KDM5B: variants seen among roughly 807,000 people sequenced by gnomAD.
The protein encoded by KDM5B is lysine demethylase 5B.
KDM5B carries 144 observed loss-of-function variants against 193.4 expected under a neutral mutation model. The observed-to-expected ratio is 0.74, with a 90% confidence interval of 0.65 to 0.86. The LOEUF (loss-of-function observed/expected upper bound fraction) is 0.86. Ranked by LOEUF, KDM5B falls within the 40% of genes least tolerant of loss-of-function variation. The pLI is 0.00. For synonymous variants in KDM5B, 668 were observed against 682.6 expected, an observed-to-expected ratio of 0.98 and a Z score of 0.33; for missense variants, 1,833 against 1,886.9, an observed-to-expected ratio of 0.97 and a Z score of 0.53.
rs1166236241 is a variant in KDM5B, at chr1:202,727,419, TTTAA to T, written c.*1613_*1616del. Reference sequence around the variant, plus strand: ...CAACTAGAAGTCATTCTTAAAGAGATTTAATTATTTGAAGTGCATAAAAGGGGAG... The same window carrying T: ...CAACTAGAAGTCATTCTTAAAGAGATTTATTTGAAGTGCATAAAAGGGGAG... On this transcript the variant is annotated 3_prime_UTR_variant, in exon 27 of 27. Transcript: ENST00000367265. 1.3e-5 allele frequency: 2 copies of T among 152,564 alleles called. No homozygotes were observed. The highest frequency in any genetic ancestry group is 4.8e-5 in the African/African-American group (2 of 41,410). The allele number at this position is 152,564 out of a possible 1,614,324, so 9.5% of individuals were successfully genotyped here. A position where few individuals can be genotyped will look rare whatever the true frequency, so the allele number is the denominator to read the frequency against.
At chr1:202,807,184 G>A (rs963440367) in intron 1 of KDM5B, 3 of 152,406 alleles carry the variant, frequency 2.0e-5, no homozygotes, top group Non-Finnish European at 2.9e-5. Context: ...ATCTTCGGAG[G>A]TCTCTCCGTC....
chr1:202,755,435 G>C lies in KDM5B; in HGVS notation c.1374C>G (p.Gly458=). The change falls in exon 11 of 27, where the codon GGC becomes GGG. Residue 458 remains glycine (G), a synonymous_variant. Transcript: ENST00000367265. ...SPEEEEYLDS[G]WNLNNMPVME... is the part of the protein sequence containing the mutation. The stretch of plus-strand genomic sequence containing the variant: ...TCACTGGCATGTTGTTCAAATTCCA[G>C]CCACTATCAAGATACTCCTAAAAAT... The C allele has an allele frequency of 6.2e-7, 1 of 1,613,152 alleles. No individual in the cohort carries two copies. The highest frequency in any genetic ancestry group is 1.1e-5 in the South Asian group (1 of 91,004).
At position 202,735,546 on chromosome 1, in the gene KDM5B, T is replaced by C. The variant is rs1448866166; in HGVS notation, c.3306A>G (p.Lys1102=). The C allele has an allele frequency of 7.4e-6, 12 of 1,614,116 alleles. No individual in the cohort carries two copies. The highest frequency in any genetic ancestry group is 1.0e-5 in the Non-Finnish European group (12 of 1,179,980). ...GCTCCTTTAACTTTCTCTGCTTCCT[T>C]TTCAATCCCAAAAGGCCAATATCAC... ...PRCDIGLLGL[K]RKQRKLKEPL... is the part of the protein sequence containing the mutation. The change falls in exon 22 of 27, where the codon AAA becomes AAG. Residue 1102 remains lysine (K), a synonymous_variant. Coordinates refer to ENST00000367265, the MANE Select transcript of KDM5B (RefSeq NM_006618.5).
At chr1:202,731,750 G>T in intron 24 of KDM5B, 78 bp downstream of exon 24, 1 of 1,071,972 alleles carries the variant, frequency 9.3e-7, no homozygotes, top group Non-Finnish European at 1.4e-6. Context: ...TATGGTACTT[G>T]ATCATCTATA....
At chr1:202,773,055 T>C (rs890379765) in intron 4 of KDM5B, 63 bp downstream of exon 4, 27 of 1,204,406 alleles carry the variant, frequency 2.2e-5, no homozygotes, top group African/African-American at 2.0e-4. Flanking sequence ...TTCATTTCCC[T>C]GAAAAGACAA....
intron 1 of KDM5B, among the ~76,000 whole-genome samples, chr1:202,798,947 G>C (rs768888537): frequency 3.7e-4 from 56 of 152,158 alleles, no homozygotes; most frequent in Non-Finnish European, 6.6e-4. Flanking sequence ...TTGAGCTCAT[G>C]AGGTCAAGGC....
chr1:202,750,825 ATTG>A, intron 12 of KDM5B, 47 bp from the exon 13 acceptor site: 1 of 1,582,618 alleles, frequency 6.3e-7, no homozygotes, highest in African/African-American at 1.4e-5. Context: ...AAAGAGTGAC[ATTG>A]TTACTAAAGA....
In KDM5B at chr1:202,764,148, T is replaced by G. The variant is rs1656355283; in HGVS notation, c.712-3A>C. 6.9e-7 allele frequency: 1 copy of G among 1,453,714 alleles called. No individual in the cohort carries two copies. Among genetic ancestry groups the G allele is most frequent in the East Asian group, 2.4e-5 (1 of 41,572 alleles). The allele number at this position is 1,453,714 out of a possible 1,614,324, so 90.1% of individuals were successfully genotyped here. A position where few individuals can be genotyped will look rare whatever the true frequency, so the allele number is the denominator to read the frequency against. ...GGTTCTATTTTAATATTCATGGCCTTAAAAAAATTGTCATATACATGAATA... is the reference window on the plus strand; with the variant it reads ...GGTTCTATTTTAATATTCATGGCCTGAAAAAAATTGTCATATACATGAATA... On this transcript the variant is annotated splice_polypyrimidine_tract_variant and splice_region_variant and intron_variant, in intron 5 of 26. Coordinates refer to ENST00000367265, the MANE Select transcript of KDM5B (RefSeq NM_006618.5).
At chr1:202,786,421 G>A (rs533665186) in intron 1 of KDM5B, among the ~76,000 whole-genome samples, 1 of 152,242 alleles carries the variant, frequency 6.6e-6, no homozygotes, top group East Asian at 1.9e-4. Context: ...CACACTGAGA[G>A]TAGATCTGCT....
chr1:202,727,634 A>G lies in KDM5B; in HGVS notation c.*1402T>C, dbSNP rs1467246285. The G allele has an allele frequency of 1.3e-5, 2 of 152,540 alleles. No homozygotes were observed. Among genetic ancestry groups the G allele is most frequent in the Non-Finnish European group, 2.9e-5 (2 of 68,038 alleles). 9.4% of individuals were successfully genotyped at this position (152,540 alleles called of 1,614,324 possible). ...GAATGTCTTCTCCACTGCAGAACAGACCCCTTTAAAAAAGAAAAGCAAGGA... is the reference window on the plus strand; with the variant it reads ...GAATGTCTTCTCCACTGCAGAACAGGCCCCTTTAAAAAAGAAAAGCAAGGA... On this transcript the variant is annotated 3_prime_UTR_variant, in exon 27 of 27. Coordinates refer to ENST00000367265, the MANE Select transcript of KDM5B (RefSeq NM_006618.5).
intron 18 of KDM5B, among the ~76,000 whole-genome samples, 190 bp from the exon 19 acceptor site, chr1:202,741,912 C>T (rs2102234163): frequency 6.6e-6 from 1 of 151,556 alleles, no homozygotes; most frequent in South Asian, 2.1e-4. Flanking sequence ...CTTATCCCAG[C>T]TTAAACTAGC....
At position 202,760,519 on chromosome 1, in the gene KDM5B, G is replaced by A. The variant is rs1201031742; in HGVS notation, c.973C>T (p.Leu325=). 1 of 1,613,358 alleles carries A rather than the reference G, an allele frequency of 6.2e-7. No homozygotes were observed. The highest frequency in any genetic ancestry group is 2.2e-5 in the East Asian group (1 of 44,818). ...CTGTCATCACAGCCATCACACAACAGTAGCCGGTCTTCATCATTGCCACTG... is the reference window on the plus strand; with the variant it reads ...CTGTCATCACAGCCATCACACAACAATAGCCGGTCTTCATCATTGCCACTG... ...CGSGNDEDRL[L]LCDGCDDSYH... Residue 325 remains leucine, a synonymous_variant, in exon 8 of 27, where the codon CTG becomes TTG. Transcript: ENST00000367265.
Position 202,750,784 on chromosome 1 carries a change from G to A in KDM5B, c.1702-6C>T, listed in dbSNP as rs779664991. 2.5e-6 allele frequency: 4 copies of A among 1,611,308 alleles called. No homozygotes were observed. Among genetic ancestry groups the A allele is most frequent in the East Asian group, 2.2e-5 (1 of 44,852 alleles). On this transcript the variant is annotated splice_region_variant and splice_polypyrimidine_tract_variant and intron_variant, in intron 12 of 26. Transcript: ENST00000367265. Reference sequence around the variant, plus strand: ...CACTGATTAGTTCGGTAAACCTAAAGAGACAGAAATTGAAGATTTTTGAGT... The same window carrying A: ...CACTGATTAGTTCGGTAAACCTAAAAAGACAGAAATTGAAGATTTTTGAGT...
At chr1:202,808,053 G>T in intron 1 of KDM5B, 49 bp downstream of exon 1, 1 of 1,585,630 alleles carries the variant, frequency 6.3e-7, no homozygotes, top group South Asian at 1.1e-5. Context: ...GCGCGTCCCC[G>T]CTCCCTCCCC....
Position 202,749,155 on chromosome 1 carries a change from G to C in KDM5B, c.1822-16C>G. The C allele has an allele frequency of 6.3e-7, 1 of 1,592,198 alleles. No homozygotes were observed. Among genetic ancestry groups the C allele is most frequent in the African/African-American group, 1.4e-5 (1 of 73,650 alleles). On this transcript the variant is annotated splice_polypyrimidine_tract_variant and intron_variant, in intron 13 of 26. Transcript: ENST00000367265. ...CTAATGGCAGCTGTATCAAAACACGGAAAGAAAAAAATAACATTCATCTTT... is the reference window on the plus strand; with the variant it reads ...CTAATGGCAGCTGTATCAAAACACGCAAAGAAAAAAATAACATTCATCTTT...
At chr1:202,806,467 T>C (rs539165333) in intron 1 of KDM5B, 22 of 152,352 alleles carry the variant, frequency 1.4e-4, no homozygotes, top group African/African-American at 5.1e-4. Flanking sequence ...CAGGCCTCTT[T>C]GCACTAAGAG....
intron 4 of KDM5B, among the ~76,000 whole-genome samples, chr1:202,767,812 T>G (rs1190793203): frequency 1.3e-5 from 2 of 152,110 alleles, no homozygotes; most frequent in Non-Finnish European, 2.9e-5. Context: ...TTGGAGTTAT[T>G]TGTGCTTGCG....
chr1:202,745,611 G>A (rs913401549), intron 16 of KDM5B, among the ~76,000 whole-genome samples: 13 of 151,958 alleles, frequency 8.6e-5, no homozygotes, highest in East Asian at 3.9e-4. Context: ...TAACAATATC[G>A]TTTTTGTTAA....
intron 4 of KDM5B, among the ~76,000 whole-genome samples, chr1:202,770,947 C>G (rs567157195): frequency 6.6e-6 from 1 of 152,294 alleles, no homozygotes; most frequent in South Asian, 2.1e-4. Flanking sequence ...AATGCTTATT[C>G]CTTTCAGACT....
Sources: allele counts gnomAD v4.1 joint callset (sites outside exome capture counted in the v4.1 genomes callset), GRCh38; gene constraint gnomAD v4.1.1; transcripts MANE v1.5; gene names NCBI Gene and HGNC (gene_info 2026-07-23, HGNC 2026-07-21).